Variants in EFCAB8 observed in about 807,000 individuals in gnomAD.
EFCAB8 encodes EF-hand calcium-binding domain-containing protein 8.
In EFCAB8, 100 loss-of-function variants were observed where a neutral mutation model predicts 116.3. The observed-to-expected ratio is 0.86, with a 90% confidence interval of 0.73 to 1.02. The LOEUF is 1.02. Ranked by LOEUF, EFCAB8 falls within the 50% of genes least tolerant of loss-of-function variation. EFCAB8 has a pLI of 0.00. For synonymous variants in EFCAB8, 558 were observed against 567.9 expected (o/e 0.98, Z 0.25); for missense variants, 1,320 against 1,416.9 (o/e 0.93, Z 1.10).
At position 32,863,791 on chromosome 20, in the gene EFCAB8, T is replaced by TA. The variant is rs757357505; in HGVS notation, c.1dup. ...ATGATTCCCTATTCTAGGTCAAGGC[T>TA]AATGTCTTCTGAAGACTTAGCAGAG... On this transcript the variant is annotated 5_prime_UTR_variant, in exon 2 of 27. Transcript: ENST00000400522. The TA allele has an allele frequency of 1.8e-5, 28 of 1,551,246 alleles. No individual in the cohort carries two copies. The East Asian group carries it at 6.1e-4, about 34-fold the overall frequency.
At chr20:32,913,745 C>T (rs1193727592) in intron 17 of EFCAB8, among the ~76,000 whole-genome samples, 1 of 151,520 alleles carries the variant, frequency 6.6e-6, no homozygotes, top group Admixed American at 6.6e-5. Context: ...AATGGTGGGG[C>T]AGGCATAGGA....
At chr20:32,910,284 T>C (rs1986861058) in intron 15 of EFCAB8, among the ~76,000 whole-genome samples, 1 of 152,194 alleles carries the variant, frequency 6.6e-6, no homozygotes, top group Admixed American at 6.5e-5. Context: ...CCAGAGTGGG[T>C]GCTGTTCTTG....
chr20:32,906,386 G>C (rs937736763), intron 11 of EFCAB8, among the ~76,000 whole-genome samples, 176 bp from the exon 12 acceptor site: 18 of 152,092 alleles, frequency 1.2e-4, no homozygotes, highest in African/African-American at 4.3e-4. Context: ...TGGCTGCAGG[G>C]TGAACCCTGG....
At chr20:32,886,038 T>G (rs1230622897) in intron 6 of EFCAB8, among the ~76,000 whole-genome samples, 1 of 152,218 alleles carries the variant, frequency 6.6e-6, no homozygotes, top group Non-Finnish European at 1.5e-5. Flanking sequence ...TCAGGCCTTT[T>G]GCCTAGTCCA....
In EFCAB8 at chr20:32,930,274, C is replaced by T; in HGVS notation, c.2413-124C>T. On this transcript the variant is annotated intron_variant, in intron 20 of 26. Coordinates refer to ENST00000400522, the MANE Select transcript of EFCAB8 (RefSeq NM_001143967.2). ...GGGAGGAAGGGTGGGACCACCATCA[C>T]CACTTTCACTGGGCATCTAGGAAAC... 2.6e-6 allele frequency: 2 copies of T among 767,194 alleles called. 1 individual carries two copies. The highest frequency in any genetic ancestry group is 5.4e-5 in the Admixed American group (2 of 36,784). 47.5% of individuals were successfully genotyped at this position (767,194 alleles called of 1,614,324 possible).
At chr20:32,911,285 C>A (rs1986905458) in intron 15 of EFCAB8, among the ~76,000 whole-genome samples, 195 bp from the exon 16 acceptor site, 1 of 152,294 alleles carries the variant, frequency 6.6e-6, no homozygotes, top group Middle Eastern at 3.4e-3. Context: ...CGTTCCAGTG[C>A]GTTCCAGTTT....
At chr20:32,953,353 T>C (rs1988855726) in intron 23 of EFCAB8, among the ~76,000 whole-genome samples, 1 of 152,252 alleles carries the variant, frequency 6.6e-6, no homozygotes, top group South Asian at 2.1e-4. Context: ...AGTAGTGGGA[T>C]TGCTGGATCA....
chr20:32,924,252 T>G, intron 20 of EFCAB8, among the ~76,000 whole-genome samples: 1 of 152,116 alleles, frequency 6.6e-6, no homozygotes, highest in East Asian at 1.9e-4. Context: ...TTTATAGAGA[T>G]GGAGTCTCCT....
In EFCAB8 at chr20:32,961,420, C is replaced by A; in HGVS notation, c.3678C>A (p.Ser1226=). 1 of 1,457,704 alleles carries A rather than the reference C, an allele frequency of 6.9e-7. No individual in the cohort carries two copies. The allele number at this position is 1,457,704 out of a possible 1,614,324, so 90.3% of individuals were successfully genotyped here. A position where few individuals can be genotyped will look rare whatever the true frequency, so the allele number is the denominator to read the frequency against. ...CCACCTTCCTGACGCCCCAGTTCTC[C>A]TTCTTGCTGCGGCCCCAGTCAGCCT... is the stretch of plus-strand genomic sequence containing the variant. The part of the protein sequence containing the change: ...SLPTFLTPQF[S]FLLRPQSAST... The change falls in exon 27 of 27, where the codon TCC becomes TCA. Residue 1226 remains serine, a synonymous_variant. Coordinates refer to ENST00000400522, the MANE Select transcript of EFCAB8 (RefSeq NM_001143967.2).
chr20:32,906,782 A>G, intron 12 of EFCAB8, 61 bp from the exon 13 acceptor site: 1 of 845,948 alleles, frequency 1.2e-6, no homozygotes, highest in South Asian at 1.4e-5. Flanking sequence ...CACCACCTTC[A>G]CCAGTGGGTG....
intron 22 of EFCAB8, among the ~76,000 whole-genome samples, chr20:32,938,626 A>C (rs184933627): frequency 6.7e-6 from 1 of 150,000 alleles, no homozygotes; most frequent in Non-Finnish European, 1.5e-5. Flanking sequence ...CAATATATTT[A>C]TATACACTAG....
At chr20:32,952,545 T>C (rs1272098084) in intron 23 of EFCAB8, among the ~76,000 whole-genome samples, 1 of 152,226 alleles carries the variant, frequency 6.6e-6, no homozygotes, top group Non-Finnish European at 1.5e-5. Context: ...AATCAATTTG[T>C]TATTGGCCAC....
At chr20:32,887,536 C>T (rs1168307863) in intron 6 of EFCAB8, among the ~76,000 whole-genome samples, 2 of 152,266 alleles carry the variant, frequency 1.3e-5, no homozygotes, top group Non-Finnish European at 2.9e-5. Context: ...GATCGCACCA[C>T]TGTGCTCTAG....
At chr20:32,863,941 G>T (rs946568191) in intron 2 of EFCAB8, 107 bp downstream of exon 2, 1 of 1,277,488 alleles carries the variant, frequency 7.8e-7, no homozygotes. Context: ...CGGGGAGGGG[G>T]TTGCATACTC....
At position 32,951,112 on chromosome 20, in the gene EFCAB8, G is replaced by C. The variant is rs182958716; in HGVS notation, c.2959+7308G>C. Among the ~76,000 whole-genome samples the C allele has an allele frequency of 3.3e-5, 5 of 152,300 alleles. No homozygotes were observed. In the East Asian group the frequency reaches 9.6e-4, roughly 29 times the overall value. ...GCACGGCTAATGGGAATATAAAATG[G>C]TTCAACCACTTTGGAAAGCATTTTG... On this transcript the variant is annotated intron_variant, in intron 23 of 26. Transcript: ENST00000400522.
At chr20:32,940,214 A>C (rs1420553815) in intron 22 of EFCAB8, among the ~76,000 whole-genome samples, 1 of 149,410 alleles carries the variant, frequency 6.7e-6, no homozygotes, top group Non-Finnish European at 1.5e-5. Context: ...TGATACTGGC[A>C]TAAAGAAAGA....
chr20:32,903,701 G>A (rs1219427297), intron 11 of EFCAB8: 2 of 152,242 alleles, frequency 1.3e-5, no homozygotes, highest in African/African-American at 4.8e-5. Flanking sequence ...TTGATTTTTA[G>A]AGGAATCCTT....
chr20:32,961,102 G>A, intron 26 of EFCAB8, 34 bp from the exon 27 acceptor site: 3 of 1,535,764 alleles, frequency 2.0e-6, no homozygotes, highest in Non-Finnish European at 2.6e-6. Flanking sequence ...TCCAACTGGT[G>A]CCCCATTCCC....
chr20:32,904,287 C>G (rs1986569613), intron 11 of EFCAB8, among the ~76,000 whole-genome samples: 1 of 150,158 alleles, frequency 6.7e-6, no homozygotes, highest in African/African-American at 2.5e-5. Context: ...GCCACTGTGT[C>G]TGGCCTGAAT....
Sources: gnomAD v4.1 joint callset for allele counts (sites outside exome capture counted in the v4.1 genomes callset) on GRCh38, gnomAD v4.1.1 for gene constraint, MANE v1.5 for transcripts, NCBI Gene and HGNC (gene_info 2026-07-23, HGNC 2026-07-21) for gene names.